The following DGKI variants were observed in gnomAD, a reference collection of about 807,000 sequenced individuals.
The protein encoded by DGKI is DAG kinase iota.
In DGKI, 55 loss-of-function variants were observed where a neutral mutation model predicts 147.5. That is an observed-to-expected ratio of 0.37 (90% CI 0.30 to 0.47). The LOEUF (loss-of-function observed/expected upper bound fraction) is 0.47, where lower values mean the gene tolerates loss of function less well. Among genes scored for constraint, DGKI ranks in the 20% least tolerant of loss-of-function variants. The pLI is 1.00. For missense variants in DGKI, 1,007 were observed against 1,323.8 expected, an observed-to-expected ratio of 0.76 and a Z score of 3.71; for synonymous variants, 469 against 477.1, an observed-to-expected ratio of 0.98 and a Z score of 0.22.
chr7:137,433,572 T>C (rs986280915), intron 28 of DGKI, among the ~76,000 whole-genome samples: 35 of 152,246 alleles, frequency 2.3e-4, no homozygotes, highest in African/African-American at 8.2e-4. Flanking sequence ...TTGGTTTCAC[T>C]GGGTGTTAAT....
chr7:137,758,914 A>T (rs1272359096), intron 1 of DGKI, among the ~76,000 whole-genome samples: 1 of 152,168 alleles, frequency 6.6e-6, no homozygotes, highest in Non-Finnish European at 1.5e-5. Flanking sequence ...CTCACAAAGG[A>T]ACAACTATAT....
chr7:137,516,435 T>A (rs1322332828), intron 21 of DGKI, among the ~76,000 whole-genome samples: 1 of 152,138 alleles, frequency 6.6e-6, no homozygotes, highest in Admixed American at 6.6e-5. Context: ...GTGGTTAGAC[T>A]GGATTTTCTC....
intron 1 of DGKI, among the ~76,000 whole-genome samples, chr7:137,728,066 T>C (rs1002264862): frequency 5.9e-5 from 9 of 152,314 alleles, no homozygotes; most frequent in Non-Finnish European, 1.0e-4. Context: ...CTAAAAATTG[T>C]CTAGTGAAAA....
At chr7:137,561,827 T>C (rs548624202) in intron 19 of DGKI, among the ~76,000 whole-genome samples, 1 of 152,122 alleles carries the variant, frequency 6.6e-6, no homozygotes, top group Non-Finnish European at 1.5e-5. Context: ...TTATAAAATA[T>C]GGAGGCCAGA....
rs956792860 is a variant in DGKI, at chr7:137,389,444, C to T, written c.*1776G>A. On this transcript the variant is annotated 3_prime_UTR_variant, in exon 33 of 33. Transcript: ENST00000614521. ...CACTTTCAAAATGATGATATGTTAC[C>T]GAAATGTGACTCAGATAAGCAAAAT... The T allele has an allele frequency of 6.6e-6, 1 of 152,064 alleles. No homozygotes were observed. The highest frequency in any genetic ancestry group is 1.5e-5 in the Non-Finnish European group (1 of 68,020). The allele number at this position is 152,064 out of a possible 1,614,324, so 9.4% of individuals were successfully genotyped here. A position where few individuals can be genotyped will look rare whatever the true frequency, so the allele number is the denominator to read the frequency against.
intron 28 of DGKI, among the ~76,000 whole-genome samples, chr7:137,424,452 G>A (rs182251726): frequency 3.9e-5 from 6 of 152,282 alleles, no homozygotes; most frequent in South Asian, 4.1e-4. Flanking sequence ...AGCTCCCAGC[G>A]TGAGTGACGC....
Position 137,656,525 on chromosome 7 carries a change from T to C in DGKI, c.622A>G (p.Arg208Gly). The C allele has an allele frequency of 1.9e-6, 3 of 1,614,098 alleles. No homozygotes were observed. Among genetic ancestry groups the C allele is most frequent in the Non-Finnish European group, 2.5e-6 (3 of 1,179,998 alleles). ...QVRFAKSALR[R>G]KCAVCKIVVH... ...ACGATTTTACAGACTGCACACTTCC[T>C]CCTGAGAGCTGATTTCTACAATATT... The change falls in exon 4 of 33, where the codon AGG (arginine) becomes GGG (glycine). Residue 208 changes from arginine (R) to glycine (G), a missense_variant. Arg to Gly is a moderately radical substitution (Grantham distance 125). Transcript: ENST00000614521.
At chr7:137,678,241 T>A (rs979938133) in intron 3 of DGKI, among the ~76,000 whole-genome samples, 1 of 151,916 alleles carries the variant, frequency 6.6e-6, no homozygotes, top group Non-Finnish European at 1.5e-5. Flanking sequence ...AACTCCTCCA[T>A]AAGGAGACAC....
At chr7:137,517,277 GAAA>G (rs869275229) in intron 21 of DGKI, among the ~76,000 whole-genome samples, 2 of 51,480 alleles carry the variant, frequency 3.9e-5, no homozygotes, top group South Asian at 6.6e-4. Flanking sequence ...AGAAAGAAAA[GAAA>G]AAGAAAGAAA....
intron 1 of DGKI, among the ~76,000 whole-genome samples, chr7:137,766,660 C>T (rs1389950327): frequency 6.6e-6 from 1 of 152,146 alleles, no homozygotes; most frequent in East Asian, 1.9e-4. Context: ...ACACCCAGGG[C>T]AGGACAGGAG....
At chr7:137,790,457 G>A (rs1796817454) in intron 1 of DGKI, among the ~76,000 whole-genome samples, 1 of 152,194 alleles carries the variant, frequency 6.6e-6, no homozygotes, top group Non-Finnish European at 1.5e-5. Flanking sequence ...TCAAAGAAGG[G>A]TAGGTACAAT....
chr7:137,536,456 G>A (rs1207717684), intron 20 of DGKI, among the ~76,000 whole-genome samples: 5 of 152,064 alleles, frequency 3.3e-5, no homozygotes, highest in Admixed American at 2.6e-4. Context: ...GAAGAACAGG[G>A]CCCGGCCCCC....
At chr7:137,443,374 C>T (rs1813588207) in intron 28 of DGKI, among the ~76,000 whole-genome samples, 1 of 152,052 alleles carries the variant, frequency 6.6e-6, no homozygotes, top group South Asian at 2.1e-4. Context: ...AGAGAATTTC[C>T]AAAGTCCAAG....
chr7:137,624,860 C>T (rs1820879037), intron 6 of DGKI, among the ~76,000 whole-genome samples: 1 of 152,070 alleles, frequency 6.6e-6, no homozygotes, highest in South Asian at 2.1e-4. Flanking sequence ...CTCACCTCGG[C>T]CTCCCAAAGT....
chr7:137,694,218 G>A (rs1448982860), intron 1 of DGKI, among the ~76,000 whole-genome samples: 1 of 152,020 alleles, frequency 6.6e-6, no homozygotes, highest in Admixed American at 6.5e-5. Context: ...CTACTTAGGA[G>A]GCTGAGGAAA....
intron 8 of DGKI, among the ~76,000 whole-genome samples, chr7:137,618,658 A>G (rs1007748803): frequency 6.6e-6 from 1 of 152,190 alleles, no homozygotes; most frequent in Admixed American, 6.5e-5. Flanking sequence ...TAGAAATGTT[A>G]AAGAGATTTA....
At chr7:137,559,110 C>T (rs28744601) in intron 19 of DGKI, among the ~76,000 whole-genome samples, 2,865 of 102,138 alleles carry the variant, frequency 0.028, 60 homozygotes, top group South Asian at 0.083. Flanking sequence ...CTCGCTCTGT[C>T]GCCCAGGCTG....
chr7:137,697,791 T>C (rs1374400915), intron 1 of DGKI, among the ~76,000 whole-genome samples: 1 of 152,140 alleles, frequency 6.6e-6, no homozygotes, highest in Non-Finnish European at 1.5e-5. Context: ...AATTAGAATA[T>C]GCTCCAGTAA....
intron 3 of DGKI, among the ~76,000 whole-genome samples, chr7:137,659,934 A>G (rs1189335312): frequency 2.0e-5 from 3 of 152,244 alleles, no homozygotes; most frequent in African/African-American, 4.8e-5. Flanking sequence ...CTCCATCTCA[A>G]AAAAGAAGCA....
Sources: allele counts gnomAD v4.1 joint callset (sites outside exome capture counted in the v4.1 genomes callset), GRCh38; gene constraint gnomAD v4.1.1; transcripts MANE v1.5; gene names NCBI Gene and HGNC (gene_info 2026-07-23, HGNC 2026-07-21).